The following BACH2 variants were observed in gnomAD, a reference collection of about 807,000 sequenced individuals.
BACH2 encodes the protein transcription regulator protein BACH2.
In BACH2, 5 loss-of-function variants were observed where a neutral mutation model predicts 61.8. The observed-to-expected ratio is 0.08, with a 90% confidence interval of 0.04 to 0.17. The LOEUF (loss-of-function observed/expected upper bound fraction) is 0.17. Ranked by LOEUF, BACH2 falls within the 10% of genes least tolerant of loss-of-function variation. The pLI is 1.00. For synonymous variants in BACH2, 446 were observed against 440.1 expected, an observed-to-expected ratio of 1.01 and a Z score of -0.17; for missense variants, 824 against 1,091.1, an observed-to-expected ratio of 0.76 and a Z score of 3.45.
intron 3 of BACH2, among the ~76,000 whole-genome samples, chr6:90,247,127 C>A: frequency 6.6e-6 from 1 of 152,110 alleles, no homozygotes; most frequent in Non-Finnish European, 1.5e-5. Flanking sequence ...ACCACTATAA[C>A]GAGAACATGA....
chr6:90,079,016 T>C (rs183587429), intron 5 of BACH2, among the ~76,000 whole-genome samples: 1 of 152,142 alleles, frequency 6.6e-6, no homozygotes, highest in African/African-American at 2.4e-5. Context: ...TTCTCATTCT[T>C]TGGAAATGCC....
chr6:90,065,778 A>G (rs773296522), intron 5 of BACH2, among the ~76,000 whole-genome samples: 3 of 151,890 alleles, frequency 2.0e-5, no homozygotes, highest in Admixed American at 1.3e-4. Flanking sequence ...GGTATAAAAC[A>G]CATAAAGCAT....
intron 6 of BACH2, among the ~76,000 whole-genome samples, chr6:89,972,796 A>C (rs1775438922): frequency 6.6e-6 from 1 of 151,968 alleles, no homozygotes; most frequent in Admixed American, 6.6e-5. Context: ...AAGGGTCTTT[A>C]AAAAAAACGA....
chr6:90,196,670 A>G (rs1487547656), intron 4 of BACH2, among the ~76,000 whole-genome samples: 1 of 152,142 alleles, frequency 6.6e-6, no homozygotes, highest in African/African-American at 2.4e-5. Context: ...CAGTTTTCCT[A>G]CAGTTCTCAT....
intron 5 of BACH2, among the ~76,000 whole-genome samples, chr6:90,042,678 A>C (rs1462662641): frequency 6.6e-6 from 1 of 152,240 alleles, no homozygotes; most frequent in Non-Finnish European, 1.5e-5. Context: ...AGGACAAGTC[A>C]TACAAACCAT....
intron 5 of BACH2, among the ~76,000 whole-genome samples, chr6:90,056,016 C>T (rs1780326840): frequency 6.6e-6 from 1 of 152,200 alleles, no homozygotes; most frequent in Non-Finnish European, 1.5e-5. Context: ...ACTGCAAAAA[C>T]ATACCAAATT....
chr6:90,166,157 C>T (rs1459461295), intron 4 of BACH2, among the ~76,000 whole-genome samples: 8 of 152,126 alleles, frequency 5.3e-5, no homozygotes, highest in African/African-American at 1.4e-4. Context: ...GAAATCTACT[C>T]GTCTGACAAA....
chr6:89,964,990 T>C (rs1427755889), intron 6 of BACH2, among the ~76,000 whole-genome samples: 1 of 152,174 alleles, frequency 6.6e-6, no homozygotes, highest in Admixed American at 6.5e-5. Flanking sequence ...GTTCAAGCGA[T>C]TCTCGTGCCT....
At chr6:90,163,953 G>C (rs1401507827) in intron 4 of BACH2, among the ~76,000 whole-genome samples, 4 of 152,178 alleles carry the variant, frequency 2.6e-5, no homozygotes, top group African/African-American at 9.7e-5. Context: ...ATGCCCACAA[G>C]AGAAAGCAGG....
At chr6:90,183,307 A>G (rs1210915447) in intron 4 of BACH2, among the ~76,000 whole-genome samples, 2 of 152,234 alleles carry the variant, frequency 1.3e-5, no homozygotes, top group African/African-American at 4.8e-5. Context: ...TTATGTTTAC[A>G]CTGATTTTGC....
rs1343646735 is a variant in BACH2, at chr6:89,927,336, T to C, written c.*5072A>G. 1 of 152,836 alleles carries C rather than the reference T, an allele frequency of 6.5e-6. No individual in the cohort carries two copies. Among genetic ancestry groups the C allele is most frequent in the Non-Finnish European group, 1.5e-5 (1 of 68,060 alleles). The allele number at this position is 152,836 out of a possible 1,614,324, so 9.5% of individuals were successfully genotyped here. ...GTTAGGACTTAAGGGGAGGTCATAG[T>C]TCTGCCTCCAAACATGTTTTGGTAG... is the stretch of plus-strand genomic sequence containing the variant. On this transcript the variant is annotated 3_prime_UTR_variant, in exon 9 of 9. Transcript: ENST00000257749.
At chr6:89,935,995 C>T (rs890918395) in intron 8 of BACH2, among the ~76,000 whole-genome samples, 2 of 152,166 alleles carry the variant, frequency 1.3e-5, no homozygotes, top group Non-Finnish European at 2.9e-5. Flanking sequence ...CATGTTAAAG[C>T]AATATTTGAA....
intron 4 of BACH2, among the ~76,000 whole-genome samples, chr6:90,163,648 T>C (rs927852841): frequency 6.6e-6 from 1 of 152,170 alleles, no homozygotes; most frequent in African/African-American, 2.4e-5. Flanking sequence ...AAAGATACTA[T>C]ACATTCCCAT....
chr6:90,187,137 G>GT (rs1768387388), intron 4 of BACH2, among the ~76,000 whole-genome samples: 1 of 152,154 alleles, frequency 6.6e-6, no homozygotes, highest in Non-Finnish European at 1.5e-5. Flanking sequence ...AATAAATCAA[G>GT]TGTCTTATTG....
intron 4 of BACH2, among the ~76,000 whole-genome samples, chr6:90,118,317 C>G (rs1179270177): frequency 6.6e-6 from 1 of 152,174 alleles, no homozygotes; most frequent in East Asian, 1.9e-4. Flanking sequence ...ATAATACAAA[C>G]AGGATGAAAG....
chr6:89,990,015 C>CA (rs1291554120), intron 6 of BACH2, among the ~76,000 whole-genome samples: 3 of 152,062 alleles, frequency 2.0e-5, no homozygotes, highest in Non-Finnish European at 4.4e-5. Flanking sequence ...GGATCACTGG[C>CA]AAAAAATGTC....
rs117239627 is a variant in BACH2, at chr6:90,043,948, G to A, written c.-12-35092C>T. ...GCTTTTTTCTTCTTTTTTCCCTGGA[G>A]CACAATGCCTGAAACAAAGATGGCT... On this transcript the variant is annotated intron_variant, in intron 5 of 8. Coordinates refer to ENST00000257749, the MANE Select transcript of BACH2 (RefSeq NM_021813.4). Among the ~76,000 whole-genome samples, 854 of 152,194 alleles carry A rather than the reference G, an allele frequency of 5.6e-3. 5 individuals carry two copies. Among genetic ancestry groups the A allele is most frequent in the South Asian group, 0.019 (92 of 4,828 alleles).
At chr6:90,062,131 T>C (rs1780717462) in intron 5 of BACH2, among the ~76,000 whole-genome samples, 1 of 152,170 alleles carries the variant, frequency 6.6e-6, no homozygotes, top group African/African-American at 2.4e-5. Context: ...CTTCAAAGAT[T>C]AAGCACCCAC....
chr6:90,097,503 G>A (rs1782428545), intron 4 of BACH2, among the ~76,000 whole-genome samples: 1 of 152,136 alleles, frequency 6.6e-6, no homozygotes, highest in Non-Finnish European at 1.5e-5. Context: ...GCTTAAATGA[G>A]CACTTCTACC....
Sources: allele counts gnomAD v4.1 joint callset (sites outside exome capture counted in the v4.1 genomes callset), GRCh38; gene constraint gnomAD v4.1.1; transcripts MANE v1.5; gene names NCBI Gene and HGNC (gene_info 2026-07-23, HGNC 2026-07-21).